Variants in DSE observed in about 807,000 individuals in gnomAD.
The protein encoded by DSE is dermatan sulfate epimerase, also known as dermatan-sulfate epimerase.
In DSE, 36 loss-of-function variants were observed where a neutral mutation model predicts 84.4. The ratio of observed to expected loss-of-function variants is 0.43; its 90% confidence interval spans 0.33 to 0.56. The LOEUF is 0.56. Ranked by LOEUF, DSE falls within the 20% of genes least tolerant of loss-of-function variation. DSE has a pLI of 0.06. For synonymous variants in DSE, 410 were observed against 430.1 expected, an observed-to-expected ratio of 0.95 and a Z score of 0.58; for missense variants, 862 against 1,169.6, an observed-to-expected ratio of 0.74 and a Z score of 3.84.
chr6:116,420,528 C>G (rs1783005630), intron 2 of DSE, among the ~76,000 whole-genome samples: 1 of 152,194 alleles, frequency 6.6e-6, no homozygotes, highest in Non-Finnish European at 1.5e-5. Context: ...AAGCCAGGAA[C>G]AGAGCTCTCA....
intron 2 of DSE, among the ~76,000 whole-genome samples, chr6:116,401,808 A>G (rs569948415): frequency 1.3e-5 from 2 of 152,302 alleles, no homozygotes; most frequent in African/African-American, 4.8e-5. Flanking sequence ...AGAAGTACAC[A>G]ATGAGTATTG....
chr6:116,365,129 C>T (rs1014577774), intron 2 of DSE, among the ~76,000 whole-genome samples: 2 of 152,100 alleles, frequency 1.3e-5, no homozygotes, highest in African/African-American at 4.8e-5. Context: ...TGAGCCACCT[C>T]ACCCAGCCTA....
At chr6:116,386,175 GAA>G (rs1279409143) in intron 1 of DSE, among the ~76,000 whole-genome samples, 1 of 152,186 alleles carries the variant, frequency 6.6e-6, no homozygotes, top group African/African-American at 2.4e-5. Flanking sequence ...GTAAGTCAGA[GAA>G]AAATAGCAAA....
chr6:116,370,069 G>A (rs1779419574), upstream of DSE: 1 of 797,948 alleles, frequency 1.3e-6, no homozygotes, highest in Admixed American at 2.7e-5. Context: ...GGCCTGGTTG[G>A]ACCTGGCTGA....
At chr6:116,432,287 C>T (rs1227546700) in intron 4 of DSE, among the ~76,000 whole-genome samples, 1 of 152,044 alleles carries the variant, frequency 6.6e-6, no homozygotes, top group Non-Finnish European at 1.5e-5. Flanking sequence ...GTGGCTACTT[C>T]CTAAAGTGGA....
At position 116,370,981 on chromosome 6, in the gene DSE, G is replaced by A. The variant is rs1461032020; in HGVS notation, c.-194G>A. 1.0e-5 allele frequency: 10 copies of A among 985,444 alleles called. No homozygotes were observed. In the East Asian group the frequency reaches 4.6e-4, roughly 45 times the overall value. The allele number at this position is 985,444 out of a possible 1,614,324, so 61.0% of individuals were successfully genotyped here. On this transcript the variant is annotated 5_prime_UTR_variant, in exon 1 of 6. Coordinates refer to ENST00000644252, the MANE Select transcript of DSE (RefSeq NM_013352.4). ...GCCCGAGGCTGCAGCAGCGCATCCC[G>A]GGGCATGGCGCGGCGGGGGCGCGGA...
rs770181030 is a variant in DSE, at chr6:116,436,832, G to A, written c.2364G>A (p.Glu788=). The change falls in exon 6 of 6, where the codon GAG becomes GAA. Residue 788 remains glutamate, a synonymous_variant. Coordinates refer to ENST00000644252, the MANE Select transcript of DSE (RefSeq NM_013352.4). ...LRFSDKRQTE[E]AIDRIFAISQ... Reference sequence around the variant, plus strand: ...TTTCAGATAAGAGACAGACTGAGGAGGCCATTGACAGGATTTTTGCCATAT... The same window carrying A: ...TTTCAGATAAGAGACAGACTGAGGAAGCCATTGACAGGATTTTTGCCATAT... The A allele has an allele frequency of 1.9e-6, 3 of 1,614,018 alleles. No individual in the cohort carries two copies. Among genetic ancestry groups the A allele is most frequent in the African/African-American group, 1.3e-5 (1 of 74,908 alleles).
At chr6:116,325,932 G>A (rs1042748985) in intron 2 of DSE, among the ~76,000 whole-genome samples, 2 of 152,162 alleles carry the variant, frequency 1.3e-5, no homozygotes, top group Admixed American at 6.5e-5. Flanking sequence ...GATCGTGATC[G>A]AGTGAGCAAG....
At chr6:116,397,702 A>T (rs1222166995) in intron 1 of DSE, among the ~76,000 whole-genome samples, 1 of 152,204 alleles carries the variant, frequency 6.6e-6, no homozygotes, top group Non-Finnish European at 1.5e-5. Context: ...TGGGTGCTAG[A>T]CATAATACTG....
chr6:116,255,655 G>C (rs1772111905), intron 1 of DSE: 1 of 152,164 alleles, frequency 6.6e-6, no homozygotes, highest in South Asian at 2.1e-4. Flanking sequence ...CACATAAACA[G>C]CGTGCTATAA....
intron 2 of DSE, among the ~76,000 whole-genome samples, chr6:116,310,804 G>A (rs1411946488): frequency 6.6e-6 from 1 of 152,134 alleles, no homozygotes; most frequent in Non-Finnish European, 1.5e-5. Context: ...GACAGAGCAA[G>A]CTTTCTAAAC....
At chr6:116,413,231 G>C (rs759569411) in intron 2 of DSE, among the ~76,000 whole-genome samples, 11 of 152,138 alleles carry the variant, frequency 7.2e-5, no homozygotes, top group Non-Finnish European at 1.5e-4. Context: ...GATAGCCCTT[G>C]CATTTAAATT....
rs1783794909 is a variant in DSE, at chr6:116,430,947, C to T, written c.671-7C>T. 6.2e-7 allele frequency: 1 copy of T among 1,612,410 alleles called. No individual in the cohort carries two copies. Among genetic ancestry groups the T allele is most frequent in the Non-Finnish European group, 8.5e-7 (1 of 1,179,570 alleles). Reference sequence around the variant, plus strand: ...AGTCATTGCTTCCATGTGTTTTCATCCTTCAGGATATCTTCAAGAAGCCTA... The same window carrying T: ...AGTCATTGCTTCCATGTGTTTTCATTCTTCAGGATATCTTCAAGAAGCCTA... On this transcript the variant is annotated splice_polypyrimidine_tract_variant and splice_region_variant and intron_variant, in intron 3 of 5. Transcript: ENST00000644252.
intron 4 of DSE, 127 bp from the exon 5 acceptor site, chr6:116,433,216 T>C: frequency 1.1e-6 from 1 of 886,896 alleles, no homozygotes; most frequent in South Asian, 1.8e-5. Flanking sequence ...TTGTGATTTT[T>C]CTTTTATTTT....
intron 1 of DSE, among the ~76,000 whole-genome samples, chr6:116,396,147 G>A (rs1397380879): frequency 6.6e-6 from 1 of 152,196 alleles, no homozygotes; most frequent in Non-Finnish European, 1.5e-5. Flanking sequence ...GCTAAGCCCA[G>A]GGATTTGGTT....
chr6:116,332,374 T>TTG (rs67724248), intron 2 of DSE, among the ~76,000 whole-genome samples: 8,834 of 150,316 alleles, frequency 0.059, 780 homozygotes, highest in African/African-American at 0.19. Context: ...CCCAGTTGGT[T>TTG]TGTGTGTGTG....
At chr6:116,328,764 A>C (rs1397791337) in intron 2 of DSE, among the ~76,000 whole-genome samples, 2 of 152,326 alleles carry the variant, frequency 1.3e-5, no homozygotes, top group East Asian at 1.9e-4. Context: ...CCAGAAGACT[A>C]TCTGGCCTGC....
intron 1 of DSE, among the ~76,000 whole-genome samples, chr6:116,382,315 G>T (rs1298378766): frequency 6.6e-6 from 1 of 152,100 alleles, no homozygotes; most frequent in Non-Finnish European, 1.5e-5. Context: ...ATGCCAAAAG[G>T]ATTGTAGAAA....
Position 116,399,501 on chromosome 6 carries a change from A to G in DSE, c.251A>G (p.Glu84Gly). ...CACACGATGCTGTCCAGCCCCTTGGAATACCTCCCTCCCTGGGATCCCAAG... is the reference window on the plus strand; with the variant it reads ...CACACGATGCTGTCCAGCCCCTTGGGATACCTCCCTCCCTGGGATCCCAAG... ...AVHTMLSSPL[E>G]YLPPWDPKDY... The change falls in exon 2 of 6, where the codon GAA (glutamate) becomes GGA (glycine). Residue 84 changes from glutamate to glycine, a missense_variant. Glu to Gly is a moderately conservative substitution (Grantham distance 98). Transcript: ENST00000644252. 6.2e-7 allele frequency: 1 copy of G among 1,614,168 alleles called. No individual in the cohort carries two copies. The highest frequency in any genetic ancestry group is 1.1e-5 in the South Asian group (1 of 91,084).
Sources: allele counts gnomAD v4.1 joint callset (sites outside exome capture counted in the v4.1 genomes callset), GRCh38; gene constraint gnomAD v4.1.1; transcripts MANE v1.5; gene names NCBI Gene and HGNC (gene_info 2026-07-23, HGNC 2026-07-21).